HOOK3: variants seen among roughly 807,000 people sequenced by gnomAD.
The protein encoded by HOOK3 is protein Hook homolog 3.
HOOK3 carries 24 observed loss-of-function variants against 116.3 expected under a neutral mutation model. The ratio of observed to expected loss-of-function variants is 0.21; its 90% CI spans 0.15 to 0.29. The LOEUF is 0.29. HOOK3 is among the 10% of genes least tolerant of loss of function. The pLI, the probability that HOOK3 is intolerant of heterozygous loss-of-function variation, is 1.00. For synonymous variants in HOOK3, 275 were observed against 283.0 expected (o/e 0.97, Z 0.28); for missense variants, 632 against 830.2 (o/e 0.76, Z 2.93).
intron 2 of HOOK3, among the ~76,000 whole-genome samples, chr8:42,910,190 AGTTT>A (rs1388010729): frequency 5.9e-5 from 9 of 152,200 alleles, no homozygotes; most frequent in Admixed American, 4.6e-4. Context: ...CCATAAATAT[AGTTT>A]GTCAATGTAA....
At chr8:42,964,911 T>G (rs1051269806) in intron 9 of HOOK3, among the ~76,000 whole-genome samples, 6 of 152,024 alleles carry the variant, frequency 3.9e-5, no homozygotes, top group Admixed American at 6.6e-5. Context: ...CAACTCAGAA[T>G]CTCCTCACAC....
chr8:42,963,068 C>T (rs894622618), intron 8 of HOOK3, among the ~76,000 whole-genome samples: 2 of 152,140 alleles, frequency 1.3e-5, no homozygotes, highest in African/African-American at 2.4e-5. Context: ...TCCCAAAGTG[C>T]TGGGATTACA....
intron 9 of HOOK3, among the ~76,000 whole-genome samples, chr8:42,965,659 A>G (rs554721751): frequency 6.6e-6 from 1 of 152,328 alleles, no homozygotes; most frequent in South Asian, 2.1e-4. Flanking sequence ...GAAATTAAAC[A>G]TCAATTAGAT....
chr8:42,934,621 C>T (rs1054280547), intron 4 of HOOK3, among the ~76,000 whole-genome samples: 1 of 151,978 alleles, frequency 6.6e-6, no homozygotes, highest in Non-Finnish European at 1.5e-5. Context: ...CAGTTCCCAC[C>T]CATGAGTGAG....
At chr8:42,944,710 T>C (rs1326335259) in intron 5 of HOOK3, among the ~76,000 whole-genome samples, 1 of 151,794 alleles carries the variant, frequency 6.6e-6, no homozygotes, top group African/African-American at 2.4e-5. Context: ...TCCCAGCTGC[T>C]TGCGAGGCTG....
chr8:43,005,214 A>ATTTTTTTTTTTT (rs1178140233), intron 17 of HOOK3, among the ~76,000 whole-genome samples: 1 of 63,182 alleles, frequency 1.6e-5, no homozygotes, highest in Non-Finnish European at 2.8e-5. Context: ...TATATATATA[A>ATTTTTTTTTTTT]TTTTTTTTTT....
intron 1 of HOOK3, among the ~76,000 whole-genome samples, chr8:42,903,451 TCTC>T (rs1488509960): frequency 1.3e-5 from 2 of 149,042 alleles, no homozygotes; most frequent in Non-Finnish European, 3.0e-5. Context: ...TTCCCACCAT[TCTC>T]CTGCTTCAGC....
intron 13 of HOOK3, among the ~76,000 whole-genome samples, chr8:42,978,526 T>G (rs1330884748): frequency 6.6e-6 from 1 of 152,088 alleles, no homozygotes; most frequent in Admixed American, 6.6e-5. Context: ...TTCTCCTGCC[T>G]TAGCCTCCTG....
At chr8:42,982,808 A>G in intron 14 of HOOK3, 112 bp downstream of exon 14, 7 of 708,378 alleles carry the variant, frequency 9.9e-6, no homozygotes, top group South Asian at 3.6e-5. Context: ...GACACTTTCA[A>G]CATGAACTCA....
intron 14 of HOOK3, among the ~76,000 whole-genome samples, chr8:42,982,963 T>G (rs533846244): frequency 6.6e-6 from 1 of 152,352 alleles, no homozygotes; most frequent in East Asian, 1.9e-4. Flanking sequence ...CAGCAGACAT[T>G]AAGCAATGAA....
chr8:42,929,311 A>G (rs963244112), intron 3 of HOOK3, among the ~76,000 whole-genome samples: 4 of 152,232 alleles, frequency 2.6e-5, no homozygotes, highest in African/African-American at 4.8e-5. Flanking sequence ...CTTCCTTACA[A>G]ATAAATATGC....
At chr8:42,909,627 C>G (rs1205654404) in intron 2 of HOOK3, among the ~76,000 whole-genome samples, 1 of 152,090 alleles carries the variant, frequency 6.6e-6, no homozygotes. Flanking sequence ...CACACCCAGC[C>G]TTTTTTGTTG....
intron 1 of HOOK3, among the ~76,000 whole-genome samples, chr8:42,897,542 A>C (rs1275637682): frequency 6.6e-6 from 1 of 152,212 alleles, no homozygotes; most frequent in Non-Finnish European, 1.5e-5. Context: ...GCGTTCGCGG[A>C]GGACGGGCCC....
intron 2 of HOOK3, among the ~76,000 whole-genome samples, chr8:42,908,177 A>G (rs1807352496): frequency 1.3e-5 from 2 of 152,234 alleles, no homozygotes. Context: ...TGAAGTCTGC[A>G]ATAAAGGAAA....
chr8:42,915,998 C>T (rs1028241499), intron 2 of HOOK3, among the ~76,000 whole-genome samples: 3 of 152,178 alleles, frequency 2.0e-5, no homozygotes, highest in Non-Finnish European at 4.4e-5. Flanking sequence ...CCTCATTCAC[C>T]CAGCATTCTT....
chr8:42,935,929 AAGTC>A (rs1486415380), intron 4 of HOOK3, among the ~76,000 whole-genome samples: 2 of 152,232 alleles, frequency 1.3e-5, no homozygotes, highest in African/African-American at 4.8e-5. Flanking sequence ...TCTTTGAAGA[AAGTC>A]AGTGGTAGCT....
At chr8:42,934,112 C>G (rs966255856) in intron 4 of HOOK3, among the ~76,000 whole-genome samples, 9 of 151,700 alleles carry the variant, frequency 5.9e-5, no homozygotes, top group African/African-American at 1.7e-4. Flanking sequence ...ACTTTATCCT[C>G]TTTCTGAACT....
intron 21 of HOOK3, among the ~76,000 whole-genome samples, chr8:43,017,832 C>T (rs751489571): frequency 6.6e-6 from 1 of 152,024 alleles, no homozygotes; most frequent in Non-Finnish European, 1.5e-5. Flanking sequence ...TCATTTGGGC[C>T]CTCTGTTGTG....
chr8:42,975,562 C>T (rs1808806348), intron 13 of HOOK3, among the ~76,000 whole-genome samples: 1 of 152,088 alleles, frequency 6.6e-6, no homozygotes. Context: ...CGGGATGAGT[C>T]AAGAAGGAAT....
Sources: gnomAD v4.1 joint callset for allele counts (sites outside exome capture counted in the v4.1 genomes callset) on GRCh38, gnomAD v4.1.1 for gene constraint, MANE v1.5 for transcripts, NCBI Gene and HGNC (gene_info 2026-07-23, HGNC 2026-07-21) for gene names.